The following ADGRB3 variants were observed in gnomAD, a reference collection of about 807,000 sequenced individuals.
The protein encoded by ADGRB3 is adhesion G protein-coupled receptor B3, also known as brain-specific angiogenesis inhibitor 3.
Under a neutral mutation model 193.4 loss-of-function variants are expected in ADGRB3, and 37 were observed. The observed-to-expected ratio is 0.19, with a 90% confidence interval of 0.15 to 0.25. The LOEUF (loss-of-function observed/expected upper bound fraction) is 0.25. ADGRB3 is among the 10% of genes least tolerant of loss of function. The pLI, the probability that ADGRB3 is intolerant of heterozygous loss-of-function variation, is 1.00. For missense variants in ADGRB3, 1,637 were observed against 1,852.9 expected (o/e 0.88, Z 2.14); for synonymous variants, 690 against 644.2 (o/e 1.07, Z -1.08).
At chr6:68,952,454 A>G (rs2150254981) in intron 6 of ADGRB3, among the ~76,000 whole-genome samples, 1 of 152,174 alleles carries the variant, frequency 6.6e-6, no homozygotes, top group South Asian at 2.1e-4. Context: ...CTTTTCAATT[A>G]TCTATTTTCT....
intron 3 of ADGRB3, among the ~76,000 whole-genome samples, chr6:68,761,714 G>A (rs992824383): frequency 6.7e-6 from 1 of 149,326 alleles, no homozygotes; most frequent in Non-Finnish European, 1.5e-5. Flanking sequence ...TTTCAAACTT[G>A]TTTGTCCTCT....
chr6:69,204,750 T>G (rs930617767), intron 17 of ADGRB3, among the ~76,000 whole-genome samples: 16 of 152,148 alleles, frequency 1.1e-4, no homozygotes, highest in Admixed American at 8.5e-4. Flanking sequence ...TGTTGGGTTC[T>G]TTTTTTCTTT....
chr6:69,157,062 G>A (rs569250449), intron 17 of ADGRB3, among the ~76,000 whole-genome samples: 2 of 152,126 alleles, frequency 1.3e-5, no homozygotes, highest in South Asian at 4.1e-4. Context: ...CAAACACCCT[G>A]ATTTTCATAC....
intron 20 of ADGRB3, among the ~76,000 whole-genome samples, chr6:69,279,856 C>CT (rs1767396258): frequency 6.6e-6 from 1 of 152,074 alleles, no homozygotes; most frequent in African/African-American, 2.4e-5. Context: ...CACATTTCAT[C>CT]TTTTTATACT....
intron 17 of ADGRB3, among the ~76,000 whole-genome samples, chr6:69,223,488 A>T (rs1284575134): frequency 6.6e-6 from 1 of 151,994 alleles, no homozygotes; most frequent in Non-Finnish European, 1.5e-5. Context: ...AAGCAAGCTG[A>T]CCCATGATCC....
intron 3 of ADGRB3, among the ~76,000 whole-genome samples, chr6:68,791,152 A>C (rs1582205295): frequency 6.6e-6 from 1 of 151,982 alleles, no homozygotes; most frequent in East Asian, 1.9e-4. Context: ...GAGTTTCCTT[A>C]GCAATATCTT....
intron 3 of ADGRB3, among the ~76,000 whole-genome samples, chr6:68,707,615 A>C (rs1191788724): frequency 6.6e-6 from 1 of 152,202 alleles, no homozygotes; most frequent in African/African-American, 2.4e-5. Flanking sequence ...TAATTGAATA[A>C]TTATACTTAT....
chr6:69,141,324 C>A (rs1424715033), intron 17 of ADGRB3, among the ~76,000 whole-genome samples: 2 of 151,990 alleles, frequency 1.3e-5, no homozygotes, highest in East Asian at 3.9e-4. Context: ...GGGGTTTCAC[C>A]GTGTTAGCCA....
At chr6:69,280,600 A>G (rs987727659) in intron 20 of ADGRB3, among the ~76,000 whole-genome samples, 1 of 152,202 alleles carries the variant, frequency 6.6e-6, no homozygotes, top group African/African-American at 2.4e-5. Context: ...AAATGAGTTA[A>G]TGTATGTGAA....
chr6:68,981,845 G>GTTAT (rs3043275), intron 10 of ADGRB3, among the ~76,000 whole-genome samples: 27,878 of 139,544 alleles, frequency 0.2, 3,489 homozygotes, highest in Non-Finnish European at 0.24. Context: ...TACCTATTTT[G>GTTAT]TTATTTATTT....
At chr6:68,891,559 G>A (rs1352059459) in intron 3 of ADGRB3, among the ~76,000 whole-genome samples, 3 of 152,098 alleles carry the variant, frequency 2.0e-5, no homozygotes, top group African/African-American at 7.2e-5. Flanking sequence ...ACAACTTAAT[G>A]AATGTCTGAG....
intron 17 of ADGRB3, among the ~76,000 whole-genome samples, chr6:69,229,600 G>T (rs960262971): frequency 3.3e-5 from 5 of 152,118 alleles, no homozygotes. Flanking sequence ...ATAGAAGACT[G>T]AAGTAGAATA....
chr6:68,960,331 T>C (rs1768197237), intron 8 of ADGRB3, among the ~76,000 whole-genome samples: 1 of 152,210 alleles, frequency 6.6e-6, no homozygotes, highest in African/African-American at 2.4e-5. Context: ...CATAAATGTA[T>C]ACAATATTAG....
chr6:68,660,669 G>T (rs1028416326), intron 3 of ADGRB3, among the ~76,000 whole-genome samples: 1 of 151,010 alleles, frequency 6.6e-6, no homozygotes, highest in Non-Finnish European at 1.5e-5. Flanking sequence ...AACCATGATG[G>T]ACTTCTTTTA....
chr6:69,217,622 G>A (rs1347628832), intron 17 of ADGRB3, among the ~76,000 whole-genome samples: 1 of 152,320 alleles, frequency 6.6e-6, no homozygotes, highest in East Asian at 1.9e-4. Flanking sequence ...CCCATGGGCT[G>A]CAGCACATCT....
At chr6:68,812,331 C>T (rs79652634) in intron 3 of ADGRB3, among the ~76,000 whole-genome samples, 1 of 151,274 alleles carries the variant, frequency 6.6e-6, no homozygotes, top group East Asian at 1.9e-4. Flanking sequence ...TTTAATATAT[C>T]TTTTTTTTTA....
intron 17 of ADGRB3, among the ~76,000 whole-genome samples, chr6:69,087,533 A>C (rs898115559): frequency 2.0e-5 from 3 of 152,188 alleles, no homozygotes; most frequent in Non-Finnish European, 4.4e-5. Context: ...ATCAAGAAAC[A>C]TAGAAGGCAC....
At chr6:68,698,026 G>A (rs1413134798) in intron 3 of ADGRB3, among the ~76,000 whole-genome samples, 1 of 151,618 alleles carries the variant, frequency 6.6e-6, no homozygotes, top group African/African-American at 2.4e-5. Context: ...TACATAGCTA[G>A]ATAGATGATA....
At chr6:69,186,621 C>A (rs757165064) in intron 17 of ADGRB3, among the ~76,000 whole-genome samples, 1 of 151,850 alleles carries the variant, frequency 6.6e-6, no homozygotes, top group African/African-American at 2.4e-5. Context: ...TTTTAGTACA[C>A]GTTTGAATAA....
Sources: gnomAD v4.1 joint callset for allele counts (sites outside exome capture counted in the v4.1 genomes callset) on GRCh38, gnomAD v4.1.1 for gene constraint, MANE v1.5 for transcripts, NCBI Gene and HGNC (gene_info 2026-07-23, HGNC 2026-07-21) for gene names.